LARS2: variants seen among roughly 807,000 people sequenced by gnomAD.
LARS2 encodes leucyl-tRNA synthetase 2, mitochondrial.
Under a neutral mutation model 116.6 loss-of-function variants are expected in LARS2, and 81 were observed. The observed-to-expected ratio is 0.69, with a 90% CI of 0.58 to 0.84. The LOEUF is 0.84. Ranked by LOEUF, LARS2 falls within the 40% of genes least tolerant of loss-of-function variation. The probability of loss-of-function intolerance (pLI) is 0.00; values close to 1 mark genes in which losing one functional copy is unlikely to be tolerated. For synonymous variants in LARS2, 396 were observed against 407.2 expected, an observed-to-expected ratio of 0.97 and a Z score of 0.33; for missense variants, 968 against 1,114.5, an observed-to-expected ratio of 0.87 and a Z score of 1.87.
intron 4 of LARS2, among the ~76,000 whole-genome samples, chr3:45,404,847 A>C (rs925078927): frequency 2.6e-5 from 4 of 152,120 alleles, no homozygotes; most frequent in African/African-American, 9.7e-5. Context: ...TCGGCCTCTC[A>C]AAGTGCTGGG....
At chr3:45,488,947 A>G (rs1270423940) in intron 12 of LARS2, 135 bp downstream of exon 12, 2 of 671,284 alleles carry the variant, frequency 3.0e-6, no homozygotes, top group Non-Finnish European at 5.4e-6. Context: ...CATATCTATC[A>G]GAACAAAATA....
chr3:45,478,982 C>T (rs1699657096), intron 10 of LARS2, among the ~76,000 whole-genome samples: 1 of 151,888 alleles, frequency 6.6e-6, no homozygotes, highest in South Asian at 2.1e-4. Context: ...CATTGCTGAC[C>T]ACCTCATTTT....
chr3:45,393,279 G>A (rs1559453381), intron 2 of LARS2, among the ~76,000 whole-genome samples: 1 of 151,986 alleles, frequency 6.6e-6, no homozygotes, highest in African/African-American at 2.4e-5. Flanking sequence ...TAAGTGCTAC[G>A]AAAGAAGGGA....
At chr3:45,535,756 ACACACACACACCCCCACACC>A (rs1294982055) in intron 20 of LARS2, among the ~76,000 whole-genome samples, 1 of 50,658 alleles carries the variant, frequency 2.0e-5, no homozygotes, top group Non-Finnish European at 7.6e-5. Context: ...ACACACACAC[ACACACACACACCCCCACACC>A]CACATACACA....
chr3:45,471,020 T>C (rs1372910166), intron 8 of LARS2, among the ~76,000 whole-genome samples: 8 of 109,276 alleles, frequency 7.3e-5, no homozygotes, highest in Non-Finnish European at 1.0e-4. Flanking sequence ...GAATACCATC[T>C]ATCACTGTAA....
intron 4 of LARS2, among the ~76,000 whole-genome samples, chr3:45,408,432 C>T (rs1235064065): frequency 1.3e-5 from 2 of 152,248 alleles, no homozygotes; most frequent in African/African-American, 2.4e-5. Context: ...GTCCTGCTAG[C>T]GTTCTTGTGC....
chr3:45,534,742 C>A, intron 20 of LARS2, among the ~76,000 whole-genome samples: 1 of 152,106 alleles, frequency 6.6e-6, no homozygotes, highest in Non-Finnish European at 1.5e-5. Context: ...TTAGAGACGC[C>A]GAAAGTACTT....
Position 45,513,226 on chromosome 3 carries a change from G to T in LARS2, c.1852G>T (p.Asp618Tyr), listed in dbSNP as rs779506614. 1.2e-6 allele frequency: 2 copies of T among 1,606,528 alleles called. No individual in the cohort carries two copies. Among genetic ancestry groups the T allele is most frequent in the South Asian group, 1.1e-5 (1 of 90,918 alleles). The change falls in exon 16 of 22, where the codon GAT becomes TAT. Residue 618 changes from aspartate (D) to tyrosine (Y), a missense_variant. Coordinates refer to ENST00000645846, the MANE Select transcript of LARS2 (RefSeq NM_015340.4). ...SGQYLQREEV[D>Y]LTGSVPVHAK... ...ACAGTATCTACAGAGAGAGGAAGTG[G>T]ATCTCACAGGTAAGAATGGCCCATC...
intron 6 of LARS2, among the ~76,000 whole-genome samples, chr3:45,441,225 A>G (rs1453127072): frequency 2.0e-5 from 3 of 152,032 alleles, no homozygotes; most frequent in Admixed American, 6.5e-5. Context: ...TGGTTTCACC[A>G]TGTTGGGCAG....
intron 6 of LARS2, among the ~76,000 whole-genome samples, chr3:45,439,964 G>C (rs1698877776): frequency 6.6e-6 from 1 of 152,218 alleles, no homozygotes; most frequent in African/African-American, 2.4e-5. Context: ...TAAATTCCTA[G>C]AGGTGGGGCC....
intron 10 of LARS2, among the ~76,000 whole-genome samples, chr3:45,484,632 T>TATATATATATATATATATATAA (rs1699769036): frequency 2.2e-5 from 1 of 46,496 alleles, no homozygotes; most frequent in Non-Finnish European, 4.2e-5. Flanking sequence ...AAAAAAAAAA[T>TATATATATATATATATATATAA]ATATATATAT....
chr3:45,434,421 A>G (rs1001168867), intron 6 of LARS2, among the ~76,000 whole-genome samples: 2 of 152,146 alleles, frequency 1.3e-5, no homozygotes, highest in South Asian at 4.1e-4. Context: ...TCAGTTCTGA[A>G]ATGTTCATTT....
chr3:45,471,890 T>C (rs933571868), intron 8 of LARS2, among the ~76,000 whole-genome samples: 10 of 152,228 alleles, frequency 6.6e-5, no homozygotes, highest in African/African-American at 2.2e-4. Context: ...CATATTAGTA[T>C]ATAATTAACA....
chr3:45,456,954 A>G (rs1331227994), intron 7 of LARS2, among the ~76,000 whole-genome samples: 1 of 152,226 alleles, frequency 6.6e-6, no homozygotes, highest in African/African-American at 2.4e-5. Flanking sequence ...CCCAGCAGGA[A>G]AGAGAGAGCA....
Position 45,403,006 on chromosome 3 carries a change from G to T in LARS2, c.363+2633G>T, listed in dbSNP as rs541373023. ...TGTAATCTGAGCTACTCGGGAGGCT[G>T]AGGCAGGAGAATTGCTTGAACCCGG... On this transcript the variant is annotated intron_variant, in intron 4 of 21. Coordinates refer to ENST00000645846, the MANE Select transcript of LARS2 (RefSeq NM_015340.4). Among the ~76,000 whole-genome samples, 7 of 150,904 alleles carry T rather than the reference G, an allele frequency of 4.6e-5. No homozygotes were observed. In the South Asian group the frequency reaches 1.5e-3, roughly 32 times the overall value.
intron 13 of LARS2, among the ~76,000 whole-genome samples, chr3:45,494,352 CT>C (rs1238557652): frequency 6.6e-6 from 1 of 152,224 alleles, no homozygotes; most frequent in African/African-American, 2.4e-5. Flanking sequence ...TACAACCCTT[CT>C]TTTATTCTTA....
intron 4 of LARS2, among the ~76,000 whole-genome samples, chr3:45,406,083 T>G (rs1559457865): frequency 6.6e-6 from 1 of 152,206 alleles, no homozygotes; most frequent in Non-Finnish European, 1.5e-5. Context: ...TCTTGGGTGA[T>G]CTTTTTAAAA....
chr3:45,398,377 A>G (rs1575228119), intron 3 of LARS2, among the ~76,000 whole-genome samples: 1 of 152,350 alleles, frequency 6.6e-6, no homozygotes, highest in East Asian at 1.9e-4. Flanking sequence ...AGCAAACAAT[A>G]TTTAAAAACC....
At chr3:45,417,432 T>G in intron 4 of LARS2, 50 bp from the exon 5 acceptor site, 2 of 1,337,964 alleles carry the variant, frequency 1.5e-6, no homozygotes, top group Non-Finnish European at 2.2e-6. Context: ...ACAATACCAA[T>G]GGAGTTATTA....
Sources: gnomAD v4.1 joint callset for allele counts (sites outside exome capture counted in the v4.1 genomes callset) on GRCh38, gnomAD v4.1.1 for gene constraint, MANE v1.5 for transcripts, NCBI Gene and HGNC (gene_info 2026-07-23, HGNC 2026-07-21) for gene names.